The following KCNIP4 variants were observed in gnomAD, a reference collection of about 807,000 sequenced individuals.
KCNIP4 encodes the protein potassium voltage-gated channel interacting protein 4, also known as Kv channel-interacting protein 4.
A neutral mutation model predicts 34.0 loss-of-function variants in KCNIP4; 12 were observed. The ratio of observed to expected loss-of-function variants is 0.35; its 90% confidence interval spans 0.23 to 0.57. The LOEUF (loss-of-function observed/expected upper bound fraction) is 0.57. KCNIP4 is among the 20% of genes least tolerant of loss of function. The pLI is 0.83. For missense variants in KCNIP4, 238 were observed against 311.7 expected, an observed-to-expected ratio of 0.76 and a Z score of 1.78; for synonymous variants, 124 against 102.2, an observed-to-expected ratio of 1.21 and a Z score of -1.29.
chr4:21,282,463 T>A (rs1336057071), intron 1 of KCNIP4, among the ~76,000 whole-genome samples: 3 of 44,636 alleles, frequency 6.7e-5, no homozygotes, highest in South Asian at 1.0e-3. Flanking sequence ...TGTGTGAGTG[T>A]GTGTGTGTGT....
At chr4:21,641,408 C>T (rs911918512) in intron 1 of KCNIP4, among the ~76,000 whole-genome samples, 2 of 152,144 alleles carry the variant, frequency 1.3e-5, no homozygotes, top group Admixed American at 6.6e-5. Flanking sequence ...GAAGGAAAAT[C>T]CTCTCAGGCA....
intron 2 of KCNIP4, among the ~76,000 whole-genome samples, chr4:20,881,667 A>G (rs1166218472): frequency 2.6e-5 from 4 of 152,246 alleles, no homozygotes; most frequent in Non-Finnish European, 5.9e-5. Context: ...ATAGAGAAAA[A>G]GAAGATGGAG....
intron 1 of KCNIP4, among the ~76,000 whole-genome samples, chr4:21,063,829 G>C (rs1302860615): frequency 6.6e-6 from 1 of 151,990 alleles, no homozygotes; most frequent in African/African-American, 2.4e-5. Flanking sequence ...GAAGTAAAGA[G>C]AAGAGAGAAT....
chr4:21,038,799 G>A (rs1741686527), intron 1 of KCNIP4, among the ~76,000 whole-genome samples: 1 of 152,200 alleles, frequency 6.6e-6, no homozygotes, highest in African/African-American at 2.4e-5. Flanking sequence ...AGAAGTCTGA[G>A]GTTGAGAGGG....
chr4:21,872,349 G>T (rs1249601505), intron 1 of KCNIP4, among the ~76,000 whole-genome samples: 1 of 152,146 alleles, frequency 6.6e-6, no homozygotes, highest in Non-Finnish European at 1.5e-5. Flanking sequence ...CTATGAGCCA[G>T]GATTTATTCT....
intron 1 of KCNIP4, among the ~76,000 whole-genome samples, chr4:21,073,515 A>G (rs896655171): frequency 2.0e-5 from 3 of 152,234 alleles, no homozygotes; most frequent in African/African-American, 7.2e-5. Context: ...GAAGTTGCTT[A>G]TCAGCTTAAG....
chr4:21,147,895 C>T (rs927472706), intron 1 of KCNIP4, among the ~76,000 whole-genome samples: 5 of 127,156 alleles, frequency 3.9e-5, no homozygotes, highest in Non-Finnish European at 4.8e-5. Flanking sequence ...GCCAAGATCA[C>T]GCCACTACAC....
At chr4:21,126,617 C>CAAAAAAA (rs71655615) in intron 1 of KCNIP4, among the ~76,000 whole-genome samples, 180 of 81,962 alleles carry the variant, frequency 2.2e-3, no homozygotes, top group African/African-American at 7.2e-3. Context: ...AGAGAAATAG[C>CAAAAAAA]AAAAAAAAAA....
At chr4:21,238,936 A>T (rs1560204379) in intron 1 of KCNIP4, among the ~76,000 whole-genome samples, 1 of 152,198 alleles carries the variant, frequency 6.6e-6, no homozygotes, top group Non-Finnish European at 1.5e-5. Context: ...AAGCCAAAAG[A>T]ACAAAGCTGG....
At chr4:20,832,129 C>G (rs1392315147) in intron 3 of KCNIP4, among the ~76,000 whole-genome samples, 4 of 152,092 alleles carry the variant, frequency 2.6e-5, no homozygotes, top group Non-Finnish European at 4.4e-5. Flanking sequence ...ATTTCAGCTG[C>G]AGAAATTATG....
At chr4:21,877,081 C>T (rs1376605186) in intron 1 of KCNIP4, among the ~76,000 whole-genome samples, 1 of 152,076 alleles carries the variant, frequency 6.6e-6, no homozygotes, top group Non-Finnish European at 1.5e-5. Flanking sequence ...GGGCTGGGTG[C>T]AGAGGTTCAC....
Position 20,928,805 on chromosome 4 carries a change from C to T in KCNIP4, c.62-46096G>A, listed in dbSNP as rs562935407. On this transcript the variant is annotated intron_variant, in intron 1 of 8. Transcript: ENST00000382152. Reference sequence around the variant, plus strand: ...ACTTCAGAAGTAAAAATGATTATAACGGGCTATTATAAACAATTATGTGCA... The same window carrying T: ...ACTTCAGAAGTAAAAATGATTATAATGGGCTATTATAAACAATTATGTGCA... Among the ~76,000 whole-genome samples, 67 of 151,808 alleles carry T rather than the reference C, an allele frequency of 4.4e-4. No individual in the cohort carries two copies. In the East Asian group the frequency reaches 6.6e-3, roughly 15 times the overall value.
At chr4:21,381,427 T>C (rs950952181) in intron 1 of KCNIP4, among the ~76,000 whole-genome samples, 3 of 152,308 alleles carry the variant, frequency 2.0e-5, no homozygotes, top group Admixed American at 6.5e-5. Flanking sequence ...CTCCAGGTAG[T>C]ATTTTTACTC....
intron 1 of KCNIP4, among the ~76,000 whole-genome samples, chr4:21,020,761 T>C (rs1345741236): frequency 6.6e-6 from 1 of 152,192 alleles, no homozygotes; most frequent in Non-Finnish European, 1.5e-5. Context: ...CAGATGGTTA[T>C]GCAAAGATTG....
intron 1 of KCNIP4, among the ~76,000 whole-genome samples, chr4:21,821,925 A>T (rs1722375993): frequency 1.3e-5 from 2 of 152,126 alleles, no homozygotes; most frequent in African/African-American, 4.8e-5. Flanking sequence ...TCTAACTCAC[A>T]TTTTTACAAT....
intron 1 of KCNIP4, chr4:21,851,954 A>G (rs1208109345): frequency 6.6e-6 from 1 of 151,800 alleles, no homozygotes; most frequent in Non-Finnish European, 1.5e-5. Context: ...CCCTCTTAGT[A>G]TAAGAAGTCT....
intron 1 of KCNIP4, among the ~76,000 whole-genome samples, chr4:21,831,259 A>G (rs1722974457): frequency 6.6e-6 from 1 of 152,140 alleles, no homozygotes; most frequent in African/African-American, 2.4e-5. Flanking sequence ...GGGGAAAAAA[A>G]ATCAAACTAA....
intron 1 of KCNIP4, among the ~76,000 whole-genome samples, chr4:21,080,893 T>C (rs962364257): frequency 1.3e-5 from 2 of 151,816 alleles, no homozygotes; most frequent in Non-Finnish European, 1.5e-5. Flanking sequence ...AAAGAATTAA[T>C]AAAACAGAAG....
chr4:20,780,256 T>A (rs540833042), intron 3 of KCNIP4, among the ~76,000 whole-genome samples: 1 of 152,254 alleles, frequency 6.6e-6, no homozygotes, highest in South Asian at 2.1e-4. Flanking sequence ...TCATTTAGGA[T>A]GTCAGGAATT....
Sources: allele counts gnomAD v4.1 joint callset (sites outside exome capture counted in the v4.1 genomes callset), GRCh38; gene constraint gnomAD v4.1.1; transcripts MANE v1.5; gene names NCBI Gene and HGNC (gene_info 2026-07-23, HGNC 2026-07-21).